Variants in MTHFD2L observed in about 807,000 individuals in gnomAD.
MTHFD2L encodes the protein bifunctional methylenetetrahydrofolate dehydrogenase/cyclohydrolase 2, mitochondrial.
A neutral mutation model predicts 34.9 loss-of-function variants in MTHFD2L; 29 were observed. The ratio of observed to expected loss-of-function variants is 0.83; its 90% CI spans 0.62 to 1.13. The LOEUF is 1.13. MTHFD2L is among the 50% of genes most tolerant of loss of function. The pLI is 0.00. For missense variants in MTHFD2L, 481 were observed against 446.5 expected, an observed-to-expected ratio of 1.08 and a Z score of -0.70; for synonymous variants, 167 against 155.7, an observed-to-expected ratio of 1.07 and a Z score of -0.54.
chr4:74,274,285 A>G (rs1173970555), intron 6 of MTHFD2L, among the ~76,000 whole-genome samples: 2 of 152,184 alleles, frequency 1.3e-5, no homozygotes, highest in East Asian at 1.9e-4. Flanking sequence ...ACTGATTTCT[A>G]CCAAGGATAA....
At chr4:74,300,783 T>C (rs769183608) in intron 7 of MTHFD2L, among the ~76,000 whole-genome samples, 9 of 152,084 alleles carry the variant, frequency 5.9e-5, no homozygotes, top group Non-Finnish European at 1.2e-4. Context: ...TAATCCTAAG[T>C]TGAAAATATC....
At chr4:74,154,790 T>G (rs552357), upstream of MTHFD2L, among the ~76,000 whole-genome samples, 146,319 of 152,222 alleles carry the variant, frequency 0.96, 70,584 homozygotes, top group East Asian at 1. Context: ...GTGTGCTTAT[T>G]GCTTTCGGGT....
At chr4:74,121,606 T>C (rs1169579000), upstream of MTHFD2L, among the ~76,000 whole-genome samples, 4 of 145,316 alleles carry the variant, frequency 2.8e-5, 1 homozygote, top group Middle Eastern at 6.6e-3. Context: ...ATATAATTAA[T>C]TATTTAATTA....
chr4:74,200,184 C>T (rs1560479625), intron 4 of MTHFD2L, among the ~76,000 whole-genome samples: 1 of 152,124 alleles, frequency 6.6e-6, no homozygotes, highest in South Asian at 2.1e-4. Flanking sequence ...TGGTGGCGGG[C>T]ACCTGTAGTC....
chr4:74,244,330 C>T (rs1032567938), intron 6 of MTHFD2L, among the ~76,000 whole-genome samples: 2 of 152,122 alleles, frequency 1.3e-5, no homozygotes, highest in Admixed American at 6.6e-5. Context: ...GGAAATGGGT[C>T]AGAGTGCTGA....
At chr4:74,187,612 A>G (rs1297990136) in intron 3 of MTHFD2L, among the ~76,000 whole-genome samples, 1 of 152,150 alleles carries the variant, frequency 6.6e-6, no homozygotes, top group African/African-American at 2.4e-5. Context: ...TCAACTGACT[A>G]TACTATGTGT....
chr4:74,150,409 A>G (rs1409259358), intron 1 of MTHFD2L, among the ~76,000 whole-genome samples: 3 of 152,156 alleles, frequency 2.0e-5, no homozygotes, highest in African/African-American at 7.2e-5. Context: ...ATGCGCCACC[A>G]TGCCCAGCTA....
chr4:74,194,019 G>C (rs1299890673), intron 3 of MTHFD2L: 2 of 152,074 alleles, frequency 1.3e-5, no homozygotes, highest in Non-Finnish European at 2.9e-5. Flanking sequence ...CTATTAAGTA[G>C]GATGTTAATT....
At chr4:74,157,601 C>A (rs1248250511), upstream of MTHFD2L, 1 of 453,096 alleles carries the variant, frequency 2.2e-6, no homozygotes, top group East Asian at 7.0e-5. Flanking sequence ...AAGTCCAGAC[C>A]TTCCTTGTTC....
At chr4:74,184,860 T>G (rs956779585) in intron 3 of MTHFD2L, among the ~76,000 whole-genome samples, 12 of 151,992 alleles carry the variant, frequency 7.9e-5, no homozygotes, top group African/African-American at 2.9e-4. Flanking sequence ...TAACAAAACC[T>G]TCTGGAAGGC....
In MTHFD2L at chr4:74,222,306, G is replaced by A. The variant is rs13134990; in HGVS notation, c.713-2996G>A. Reference sequence around the variant, plus strand: ...AAGAATAGAAATTTATTTCTGAACAGTTACAGAGGTTGAAAGTCCAAGATC... The same window carrying A: ...AAGAATAGAAATTTATTTCTGAACAATTACAGAGGTTGAAAGTCCAAGATC... On this transcript the variant is annotated intron_variant, in intron 5 of 7. Coordinates refer to ENST00000325278, the MANE Select transcript of MTHFD2L (RefSeq NM_001144978.3). Among the ~76,000 whole-genome samples the A allele has an allele frequency of 9.0e-3, 1,359 of 150,466 alleles. 18 individuals carry two copies. Among genetic ancestry groups the A allele is most frequent in the Middle Eastern group, 0.014 (4 of 294 alleles).
At chr4:74,132,634 T>C (rs1264921761) in intron 1 of MTHFD2L, among the ~76,000 whole-genome samples, 1 of 152,114 alleles carries the variant, frequency 6.6e-6, no homozygotes, top group East Asian at 1.9e-4. Flanking sequence ...AAGTACCTAA[T>C]GTAGATGACG....
chr4:74,201,844 T>A (rs1447086283), intron 5 of MTHFD2L, among the ~76,000 whole-genome samples: 1 of 152,174 alleles, frequency 6.6e-6, no homozygotes, highest in Non-Finnish European at 1.5e-5. Flanking sequence ...GTAGTGACAC[T>A]CCAAGTCACT....
intron 6 of MTHFD2L, chr4:74,267,319 C>T (rs1745413930): frequency 4.0e-6 from 3 of 749,268 alleles, no homozygotes; most frequent in South Asian, 6.1e-5. Context: ...CTTTCTTTCT[C>T]TTTCTCTCTT....
chr4:74,188,815 T>C (rs1731902820), intron 3 of MTHFD2L, among the ~76,000 whole-genome samples: 1 of 150,288 alleles, frequency 6.7e-6, no homozygotes, highest in Non-Finnish European at 1.5e-5. Context: ...TGTATACATA[T>C]GTATATATAT....
intron 6 of MTHFD2L, among the ~76,000 whole-genome samples, chr4:74,239,375 T>C (rs1398870892): frequency 1.3e-5 from 2 of 151,880 alleles, no homozygotes; most frequent in South Asian, 4.1e-4. Flanking sequence ...TTAGGAGATA[T>C]ATACCTAATA....
At chr4:74,134,860 C>A (rs944967486) in intron 1 of MTHFD2L, among the ~76,000 whole-genome samples, 1 of 151,174 alleles carries the variant, frequency 6.6e-6, no homozygotes, top group African/African-American at 2.4e-5. Context: ...CAGAATAGGT[C>A]AAGCAGAGAA....
Position 74,289,179 on chromosome 4 carries a change from C to A in MTHFD2L, c.931+7629C>A, listed in dbSNP as rs79627311. On this transcript the variant is annotated intron_variant, in intron 7 of 7. Coordinates refer to ENST00000325278, the MANE Select transcript of MTHFD2L (RefSeq NM_001144978.3). ...ACAAATACATATCTATATAACAAGG[C>A]AGTGTCTTAGTGATACAAAAATAAA... 8.9e-3 allele frequency among the ~76,000 whole-genome samples: 1,356 copies of A among 152,236 alleles called. 29 individuals are homozygous for A. The highest frequency in any genetic ancestry group is 0.067 in the South Asian group (325 of 4,820).
intron 7 of MTHFD2L, among the ~76,000 whole-genome samples, chr4:74,291,989 A>G (rs912906690): frequency 6.6e-6 from 1 of 152,214 alleles, no homozygotes; most frequent in Non-Finnish European, 1.5e-5. Context: ...TTATACTTTA[A>G]CCCAGAGGTA....
Sources: gnomAD v4.1 joint callset for allele counts (sites outside exome capture counted in the v4.1 genomes callset) on GRCh38, gnomAD v4.1.1 for gene constraint, MANE v1.5 for transcripts, NCBI Gene and HGNC (gene_info 2026-07-23, HGNC 2026-07-21) for gene names.